Variants in ZC3H12B observed in about 807,000 individuals in gnomAD.
ZC3H12B encodes probable ribonuclease ZC3H12B.
A neutral mutation model predicts 43.9 loss-of-function variants in ZC3H12B; 7 were observed. The observed-to-expected ratio is 0.16, with a 90% CI of 0.09 to 0.30. The LOEUF (loss-of-function observed/expected upper bound fraction) is 0.30, where lower values mean the gene tolerates loss of function less well. ZC3H12B is among the 10% of genes least tolerant of loss of function. ZC3H12B has a pLI of 1.00. For missense variants in ZC3H12B, 475 were observed against 670.2 expected, an observed-to-expected ratio of 0.71 and a Z score of 3.22; for synonymous variants, 222 against 241.7, an observed-to-expected ratio of 0.92 and a Z score of 0.76.
upstream of ZC3H12B, among the ~76,000 whole-genome samples, chrX:65,365,642 A>G (rs773676111): frequency 3.6e-5 from 4 of 110,988 alleles, no homozygotes; most frequent in African/African-American, 1.3e-4. Context: ...TGTTTTTCTT[A>G]TTAATATAAG....
the ZC3H12B span, chrX:65,356,868 G>C: frequency 3.0e-6 from 1 of 334,153 alleles, no homozygotes; most frequent in South Asian, 3.3e-5. Flanking sequence ...CCAGTCGAAA[G>C]TGAGATACCA....
At chrX:65,460,073 C>T (rs749249086) in intron 3 of ZC3H12B, among the ~76,000 whole-genome samples, 183 of 111,713 alleles carry the variant, frequency 1.6e-3, no homozygotes, top group African/African-American at 5.8e-3. Flanking sequence ...AACAGACAAA[C>T]AGAGAGCCAA....
At chrX:65,325,386 C>T in the ZC3H12B span, among the ~76,000 whole-genome samples, 3 of 111,227 alleles carry the variant, frequency 2.7e-5, no homozygotes, top group Non-Finnish European at 5.7e-5. Flanking sequence ...AACTGGTAAA[C>T]AAATTTAGTA....
chrX:65,067,434 T>A, the ZC3H12B span, among the ~76,000 whole-genome samples: 3 of 110,523 alleles, frequency 2.7e-5, no homozygotes, highest in African/African-American at 9.9e-5. Flanking sequence ...GTGATGTGAG[T>A]CCCTACTCTA....
chrX:65,110,390 C>CTT, the ZC3H12B span, among the ~76,000 whole-genome samples: 44 of 96,371 alleles, frequency 4.6e-4, no homozygotes, highest in African/African-American at 1.6e-3. Flanking sequence ...TTTTCTTCTG[C>CTT]TTTTTTTTTT....
At chrX:65,397,984 CATAGA>C (rs1381819630) in intron 2 of ZC3H12B, among the ~76,000 whole-genome samples, 1 of 111,584 alleles carries the variant, frequency 9.0e-6, no homozygotes, top group Non-Finnish European at 1.9e-5. Flanking sequence ...TATATGCCCA[CATAGA>C]ATATTCTGAA....
Position 65,366,727 on chromosome X carries a change from G to A in ZC3H12B, n.90G>A, listed in dbSNP as rs1191878587. 3.6e-5 allele frequency: 4 copies of A among 111,854 alleles called. No homozygotes were observed. The Admixed American group carries it at 3.8e-4, about 11-fold the overall frequency. 9.2% of individuals were successfully genotyped at this position (111,854 alleles called of 1,213,427 possible). The stretch of plus-strand genomic sequence containing the variant: ...GGTGATACTTGAAAGAAGAGATAAC[G>A]ACCACCTATCTCCTTCATCCTGGTT... On this transcript the variant is annotated non_coding_transcript_exon_variant, in exon 1 of 6. Coordinates refer to the ZC3H12B transcript ENST00000617377.
chrX:65,321,710 C>T, the ZC3H12B span, among the ~76,000 whole-genome samples: 3 of 109,353 alleles, frequency 2.7e-5, no homozygotes, highest in South Asian at 1.2e-3. Flanking sequence ...CACCATGCAG[C>T]CGTAGAAGAG....
the ZC3H12B span, among the ~76,000 whole-genome samples, chrX:65,357,762 C>T: frequency 1.8e-5 from 2 of 111,729 alleles, no homozygotes; most frequent in Admixed American, 9.5e-5. Flanking sequence ...AGGCCGTAAA[C>T]ACTATGAAGA....
At chrX:65,456,314 G>T (rs1187017579) in intron 3 of ZC3H12B, among the ~76,000 whole-genome samples, 1 of 109,444 alleles carries the variant, frequency 9.1e-6, no homozygotes, top group Non-Finnish European at 1.9e-5. Context: ...CAAAAAAAAG[G>T]CAGGGGTTGC....
chrX:65,280,063 A>G, the ZC3H12B span, among the ~76,000 whole-genome samples: 1 of 112,363 alleles, frequency 8.9e-6, no homozygotes, highest in East Asian at 2.8e-4. Flanking sequence ...TGAAGCCAGC[A>G]TAACTCTGAA....
chrX:65,447,546 A>G (rs779211463), intron 3 of ZC3H12B, among the ~76,000 whole-genome samples: 4 of 112,158 alleles, frequency 3.6e-5, no homozygotes, highest in Admixed American at 2.9e-4. Flanking sequence ...AGTTATGACT[A>G]AGACCCCAAA....
chrX:65,097,790 C>T, the ZC3H12B span, among the ~76,000 whole-genome samples: 1 of 111,512 alleles, frequency 9.0e-6, no homozygotes, highest in South Asian at 3.8e-4. Flanking sequence ...TTATATGGGA[C>T]TTTTTGATCT....
At chrX:65,088,288 G>GT in the ZC3H12B span, among the ~76,000 whole-genome samples, 1 of 111,319 alleles carries the variant, frequency 9.0e-6, no homozygotes, top group African/African-American at 3.3e-5. Context: ...GAGTTCCTCT[G>GT]GGGGGGCTTT....
the ZC3H12B span, among the ~76,000 whole-genome samples, chrX:65,197,075 C>T: frequency 9.0e-6 from 1 of 111,650 alleles, no homozygotes; most frequent in East Asian, 2.8e-4. Flanking sequence ...AGCAAGTGCC[C>T]CCAGGAACTC....
the ZC3H12B span, among the ~76,000 whole-genome samples, chrX:65,135,466 G>A: frequency 9.2e-6 from 1 of 108,321 alleles, no homozygotes; most frequent in African/African-American, 3.3e-5. Flanking sequence ...TTTTTCTTTG[G>A]TTGTTTTCAG....
chrX:65,373,414 T>TCA (rs1254045357), intron 2 of ZC3H12B, among the ~76,000 whole-genome samples: 1 of 111,545 alleles, frequency 9.0e-6, no homozygotes, highest in African/African-American at 3.3e-5. Context: ...GGATTATAAA[T>TCA]CATGCTGCTA....
chrX:65,280,305 A>T, the ZC3H12B span, among the ~76,000 whole-genome samples: 1 of 112,639 alleles, frequency 8.9e-6, no homozygotes, highest in East Asian at 2.8e-4. Context: ...AAATCATATG[A>T]TCATCTCAAT....
the ZC3H12B span, among the ~76,000 whole-genome samples, chrX:65,103,792 A>G: frequency 1.8e-5 from 2 of 111,931 alleles, no homozygotes; most frequent in African/African-American, 6.5e-5. Flanking sequence ...ATGGAAAAGC[A>G]TTCCATTTTC....
Sources: gnomAD v4.1 joint callset for allele counts (sites outside exome capture counted in the v4.1 genomes callset) on GRCh38, gnomAD v4.1.1 for gene constraint, MANE v1.5 for transcripts, NCBI Gene and HGNC (gene_info 2026-07-23, HGNC 2026-07-21) for gene names.